The following JAKMIP2 variants were observed in gnomAD, a reference collection of about 807,000 sequenced individuals.
JAKMIP2 encodes the protein janus kinase and microtubule-interacting protein 2.
Under a neutral mutation model 115.0 loss-of-function variants are expected in JAKMIP2, and 25 were observed. The observed-to-expected ratio is 0.22, with a 90% CI of 0.16 to 0.30. The LOEUF (loss-of-function observed/expected upper bound fraction) is 0.30. Ranked by LOEUF, JAKMIP2 falls within the 10% of genes least tolerant of loss-of-function variation. The probability of loss-of-function intolerance (pLI) is 1.00; values close to 1 mark genes in which losing one functional copy is unlikely to be tolerated. For synonymous variants in JAKMIP2, 334 were observed against 343.6 expected (o/e 0.97, Z 0.31); for missense variants, 642 against 957.6 (o/e 0.67, Z 4.35).
intron 1 of JAKMIP2, among the ~76,000 whole-genome samples, chr5:147,707,440 A>T (rs1474852174): frequency 1.3e-5 from 2 of 152,100 alleles, no homozygotes; most frequent in Non-Finnish European, 2.9e-5. Flanking sequence ...GTATATCACT[A>T]TGGGGAAAAA....
chr5:147,739,563 A>C (rs1156876806), intron 1 of JAKMIP2, among the ~76,000 whole-genome samples: 1 of 152,096 alleles, frequency 6.6e-6, no homozygotes, highest in Non-Finnish European at 1.5e-5. Context: ...AGCCCACAAA[A>C]AATGTCCATA....
At chr5:147,636,107 C>G in intron 12 of JAKMIP2, 115 bp downstream of exon 12, 1 of 763,286 alleles carries the variant, frequency 1.3e-6, no homozygotes, top group East Asian at 2.6e-5. Flanking sequence ...AGAGCAGTGC[C>G]GGAAAAGCCT....
chr5:147,675,884 T>C (rs1423730710), intron 1 of JAKMIP2, among the ~76,000 whole-genome samples: 1 of 151,894 alleles, frequency 6.6e-6, no homozygotes, highest in Non-Finnish European at 1.5e-5. Flanking sequence ...TTCATTTCTA[T>C]TGCTGAATAA....
intron 1 of JAKMIP2, among the ~76,000 whole-genome samples, chr5:147,740,768 G>C (rs948992061): frequency 6.6e-6 from 1 of 152,138 alleles, no homozygotes; most frequent in African/African-American, 2.4e-5. Context: ...CTTAGTATGT[G>C]CTTGATAAAT....
chr5:147,612,747 G>A (rs1344670232), intron 19 of JAKMIP2, among the ~76,000 whole-genome samples: 1 of 152,154 alleles, frequency 6.6e-6, no homozygotes, highest in Non-Finnish European at 1.5e-5. Flanking sequence ...TCAAATCCTT[G>A]TAGAGGGTGT....
In JAKMIP2 at chr5:147,617,951, A is replaced by G. The variant is rs770455095; in HGVS notation, c.2306T>C (p.Ile769Thr). ...TAAGAGCTCCATTCTCTCCTGAAGA[A>G]TCTGACAGTCATACTCTCTGCTCTT... ...LRKSREYDCQ[I>T]LQERMELLQQ... Residue 769 changes from isoleucine (I) to threonine (T), a missense_variant, in exon 19 of 22, where the codon ATT becomes ACT. Around this residue, in one of 6 missense-constraint regions of JAKMIP2, gnomAD observed 1 missense variants for 21.0 expected, o/e 0.05. Coordinates refer to ENST00000616793, the MANE Select transcript of JAKMIP2 (RefSeq NM_001270941.2). 6.2e-7 allele frequency: 1 copy of G among 1,614,150 alleles called. No individual in the cohort carries two copies. The highest frequency in any genetic ancestry group is 8.5e-7 in the Non-Finnish European group (1 of 1,180,026).
intron 1 of JAKMIP2, among the ~76,000 whole-genome samples, chr5:147,674,162 T>C (rs1308467965): frequency 1.3e-5 from 2 of 152,154 alleles, no homozygotes; most frequent in Admixed American, 6.5e-5. Context: ...TCCTAGATCA[T>C]TAAATGGCAA....
intron 1 of JAKMIP2, among the ~76,000 whole-genome samples, chr5:147,691,004 G>A (rs1751819093): frequency 2.0e-5 from 3 of 151,972 alleles, no homozygotes; most frequent in Admixed American, 2.0e-4. Flanking sequence ...TTTCCTCATG[G>A]GTTATCTCAC....
chr5:147,647,199 T>TA (rs1758175796), intron 5 of JAKMIP2, among the ~76,000 whole-genome samples: 3 of 151,986 alleles, frequency 2.0e-5, no homozygotes, highest in South Asian at 2.1e-4. Flanking sequence ...GAAAGATAAC[T>TA]AAAAAAATCT....
chr5:147,661,054 A>C lies in JAKMIP2; in HGVS notation c.521T>G (p.Ile174Ser). The change falls in exon 3 of 22, where the codon ATC becomes AGC. Residue 174 changes from isoleucine to serine, a missense_variant. Physicochemically the swap from Ile to Ser is moderately radical, Grantham distance 142. Coordinates refer to ENST00000616793, the MANE Select transcript of JAKMIP2 (RefSeq NM_001270941.2). ...CCCAGCCTTGATTTTATCTGCTTGG[A>C]TCATATTGCTCAGAGCCTCGTCCAC... Reference protein sequence around the residue: ...KQVDEALSNMIQADKIKAGDL... With the variant: ...KQVDEALSNMSQADKIKAGDL... 1 of 1,613,834 alleles carries C rather than the reference A, an allele frequency of 6.2e-7. No individual in the cohort carries two copies. The highest frequency in any genetic ancestry group is 8.5e-7 in the Non-Finnish European group (1 of 1,179,988).
intron 19 of JAKMIP2, among the ~76,000 whole-genome samples, chr5:147,613,899 G>A (rs993638868): frequency 2.6e-4 from 39 of 152,280 alleles, no homozygotes; most frequent in African/African-American, 8.9e-4. Context: ...GCCGGAGAAA[G>A]GGATGGAACT....
At chr5:147,600,549 G>C (rs1213405255) in intron 21 of JAKMIP2, among the ~76,000 whole-genome samples, 1 of 152,160 alleles carries the variant, frequency 6.6e-6, no homozygotes, top group Non-Finnish European at 1.5e-5. Context: ...AGGATAATCA[G>C]AGTTGACATG....
intron 6 of JAKMIP2, among the ~76,000 whole-genome samples, chr5:147,644,491 T>G (rs1264594164): frequency 6.6e-6 from 1 of 152,216 alleles, no homozygotes; most frequent in Non-Finnish European, 1.5e-5. Flanking sequence ...TTCCCAAATA[T>G]CATGCACGAT....
At chr5:147,646,736 T>C (rs898332974) in intron 5 of JAKMIP2, among the ~76,000 whole-genome samples, 7 of 151,474 alleles carry the variant, frequency 4.6e-5, no homozygotes, top group African/African-American at 1.7e-4. Context: ...TCTGATGTAG[T>C]TCAACTAATA....
intron 1 of JAKMIP2, among the ~76,000 whole-genome samples, chr5:147,673,496 T>G (rs1759751801): frequency 6.6e-6 from 1 of 151,988 alleles, no homozygotes; most frequent in Non-Finnish European, 1.5e-5. Context: ...GAAGCTATGC[T>G]CTTTGGAGTG....
chr5:147,776,642 G>A (rs887602192), intron 1 of JAKMIP2, among the ~76,000 whole-genome samples: 4 of 152,140 alleles, frequency 2.6e-5, no homozygotes, highest in Non-Finnish European at 5.9e-5. Flanking sequence ...AAAACTACAG[G>A]ACAGGCTGGG....
At chr5:147,672,234 G>A (rs17107113) in intron 1 of JAKMIP2, among the ~76,000 whole-genome samples, 11,577 of 151,962 alleles carry the variant, frequency 0.076, 634 homozygotes, top group East Asian at 0.22. Context: ...GAAACTGCTC[G>A]CTCTTCTATC....
intron 1 of JAKMIP2, among the ~76,000 whole-genome samples, chr5:147,770,450 G>C (rs997210458): frequency 2.0e-5 from 3 of 152,034 alleles, no homozygotes; most frequent in Non-Finnish European, 4.4e-5. Context: ...TGGGTGTACA[G>C]ACAGACAACC....
At chr5:147,670,238 T>C (rs560748853) in intron 2 of JAKMIP2, among the ~76,000 whole-genome samples, 1 of 152,182 alleles carries the variant, frequency 6.6e-6, no homozygotes, top group South Asian at 2.1e-4. Context: ...ATTGTTAAAA[T>C]GAAGAGAAAT....
Sources: allele counts gnomAD v4.1 joint callset (sites outside exome capture counted in the v4.1 genomes callset), GRCh38; gene constraint gnomAD v4.1.1; regional missense constraint gnomAD v4.1.1; transcripts MANE v1.5; gene names NCBI Gene and HGNC (gene_info 2026-07-23, HGNC 2026-07-21).